The following CFAP47 variants were observed in gnomAD, a reference collection of about 807,000 sequenced individuals.
The protein encoded by CFAP47 is cilia and flagella associated protein 47.
Under a neutral mutation model 148.1 loss-of-function variants are expected in CFAP47, and 29 were observed. That is an observed-to-expected ratio of 0.20 (90% CI 0.15 to 0.27). The LOEUF (loss-of-function observed/expected upper bound fraction) is 0.27, where lower values mean the gene tolerates loss of function less well. CFAP47 is among the 10% of genes least tolerant of loss of function. The pLI is 1.00. For missense variants in CFAP47, 1,872 were observed against 1,697.5 expected (o/e 1.10, Z -1.81); for synonymous variants, 664 against 577.3 (o/e 1.15, Z -2.15).
At chrX:36,162,847 T>C (rs1939446745) in intron 39 of CFAP47, among the ~76,000 whole-genome samples, 1 of 112,083 alleles carries the variant, frequency 8.9e-6, no homozygotes, top group Admixed American at 9.5e-5. Flanking sequence ...GCCTGTACAA[T>C]TATAATATTT....
intron 3 of CFAP47, among the ~76,000 whole-genome samples, chrX:35,947,911 T>C (rs1319045992): frequency 8.9e-6 from 1 of 111,915 alleles, no homozygotes; most frequent in African/African-American, 3.2e-5. Flanking sequence ...ACTTGAATTC[T>C]AACAACAGGA....
chrX:36,033,755 A>G (rs1937307940), intron 23 of CFAP47, among the ~76,000 whole-genome samples: 1 of 111,500 alleles, frequency 9.0e-6, no homozygotes, highest in South Asian at 3.7e-4. Flanking sequence ...TTGTGCTGAT[A>G]ATTGTATGGC....
intron 40 of CFAP47, among the ~76,000 whole-genome samples, chrX:36,185,126 G>A (rs1794845089): frequency 9.0e-6 from 1 of 110,854 alleles, no homozygotes; most frequent in East Asian, 2.8e-4. Flanking sequence ...GAGGCTGGGA[G>A]GCTGGTGAGT....
At chrX:36,243,580 CA>C (rs1430847105) in intron 48 of CFAP47, among the ~76,000 whole-genome samples, 3 of 96,270 alleles carry the variant, frequency 3.1e-5, no homozygotes, top group Non-Finnish European at 4.2e-5. Context: ...TTAAGAAGAA[CA>C]AAAAAAGGCA....
At position 35,954,120 on chromosome X, in the gene CFAP47, A is replaced by G. The variant is rs188537220; in HGVS notation, c.1174+401A>G. 3.0e-4 allele frequency among the ~76,000 whole-genome samples: 33 copies of G among 111,754 alleles called. No homozygotes were observed. The East Asian group carries it at 8.7e-3, about 30-fold the overall frequency. On this transcript the variant is annotated intron_variant, in intron 7 of 63. Coordinates refer to ENST00000378653, the MANE Select transcript of CFAP47 (RefSeq NM_001304548.2). ...TTAGAATCTACAAATAGGAACAGTA[A>G]AAAACAAGATCTAGAGATCTAGTTA... is the stretch of plus-strand genomic sequence containing the variant.
intron 45 of CFAP47, among the ~76,000 whole-genome samples, chrX:36,206,593 T>G (rs782619146): frequency 1.3e-4 from 14 of 111,961 alleles, no homozygotes; most frequent in Non-Finnish European, 2.4e-4. Context: ...ATAGGATAAT[T>G]CAAATGTTAA....
At chrX:35,958,045 C>G (rs1936272067) in intron 8 of CFAP47, among the ~76,000 whole-genome samples, 1 of 111,419 alleles carries the variant, frequency 9.0e-6, no homozygotes, top group African/African-American at 3.3e-5. Context: ...TCCCCTTCTC[C>G]TCATTCATCA....
At chrX:36,136,926 A>C (rs920285776) in intron 33 of CFAP47, among the ~76,000 whole-genome samples, 2 of 111,559 alleles carry the variant, frequency 1.8e-5, no homozygotes, top group Non-Finnish European at 3.8e-5. Flanking sequence ...ATCCTTAGTG[A>C]TCTGTGTTTA....
At chrX:36,137,848 G>T in intron 33 of CFAP47, 110 bp from the exon 34 acceptor site, 2 of 362,879 alleles carry the variant, frequency 5.5e-6, no homozygotes, top group Non-Finnish European at 9.6e-6. Flanking sequence ...TATACTTTTT[G>T]TTTCCCAAGC....
At chrX:36,238,980 A>G (rs16998540) in intron 48 of CFAP47, among the ~76,000 whole-genome samples, 4,655 of 112,036 alleles carry the variant, frequency 0.042, 231 homozygotes, top group African/African-American at 0.14. Flanking sequence ...TCAATTTTTC[A>G]TTGGTGCTAG....
intron 59 of CFAP47, among the ~76,000 whole-genome samples, chrX:36,353,307 A>G (rs1474344008): frequency 1.8e-5 from 2 of 110,817 alleles, no homozygotes; most frequent in African/African-American, 3.3e-5. Context: ...TTCCTGTGCT[A>G]TTTTTACATA....
At chrX:35,965,048 TC>T (rs1936382947) in intron 8 of CFAP47, among the ~76,000 whole-genome samples, 2 of 112,031 alleles carry the variant, frequency 1.8e-5, no homozygotes, top group South Asian at 7.2e-4. Context: ...CGTATTTTTT[TC>T]ATGTTGAAAA....
chrX:36,018,704 G>C (rs1018256656), intron 22 of CFAP47, among the ~76,000 whole-genome samples: 1 of 111,648 alleles, frequency 9.0e-6, no homozygotes, highest in Non-Finnish European at 1.9e-5. Flanking sequence ...ACTTGGTCAT[G>C]ATGAATGATC....
intron 39 of CFAP47, among the ~76,000 whole-genome samples, chrX:36,166,186 C>A (rs1193279438): frequency 2.7e-5 from 3 of 111,189 alleles, no homozygotes; most frequent in Non-Finnish European, 5.7e-5. Flanking sequence ...AACATTTTTT[C>A]TCTTCTTTTT....
intron 33 of CFAP47, among the ~76,000 whole-genome samples, chrX:36,124,423 G>A (rs149793232): frequency 2.0e-3 from 228 of 111,609 alleles, no homozygotes; most frequent in African/African-American, 7.3e-3. Context: ...GTGATGGTGA[G>A]CCTTGTGCAA....
chrX:36,067,924 T>C (rs192852355), intron 27 of CFAP47, among the ~76,000 whole-genome samples: 2,284 of 111,143 alleles, frequency 0.021, 71 homozygotes, highest in African/African-American at 0.071. Context: ...GTGCTGGGAT[T>C]ACAGGCGTGA....
chrX:36,076,542 A>C (rs1210687023), intron 29 of CFAP47, among the ~76,000 whole-genome samples: 1 of 110,238 alleles, frequency 9.1e-6, no homozygotes, highest in African/African-American at 3.3e-5. Flanking sequence ...TCTCCTTTTG[A>C]AAAGTGTCTG....
chrX:36,121,643 A>C (rs1938746085), intron 33 of CFAP47, among the ~76,000 whole-genome samples: 1 of 111,615 alleles, frequency 9.0e-6, no homozygotes. Flanking sequence ...AAACAAGCCA[A>C]AAGAAAGCCC....
chrX:36,244,936 T>C (rs1555996785), intron 48 of CFAP47, among the ~76,000 whole-genome samples: 1 of 111,140 alleles, frequency 9.0e-6, no homozygotes, highest in Non-Finnish European at 1.9e-5. Context: ...ATATCCCTGA[T>C]GAAAGTACAC....
Sources: gnomAD v4.1 joint callset for allele counts (sites outside exome capture counted in the v4.1 genomes callset) on GRCh38, gnomAD v4.1.1 for gene constraint, MANE v1.5 for transcripts, NCBI Gene and HGNC (gene_info 2026-07-23, HGNC 2026-07-21) for gene names.